The following KDELR2 variants were observed in gnomAD, a reference collection of about 807,000 sequenced individuals.
KDELR2 encodes the protein KDEL endoplasmic reticulum protein retention receptor 2.
A neutral mutation model predicts 23.9 loss-of-function variants in KDELR2; 15 were observed. That is an observed-to-expected ratio of 0.63 (90% CI 0.42 to 0.97). KDELR2 has a LOEUF of 0.97. Among genes scored for constraint, KDELR2 ranks in the 50% least tolerant of loss-of-function variants. The pLI is 0.00. For synonymous variants in KDELR2, 119 were observed against 106.2 expected, an observed-to-expected ratio of 1.12 and a Z score of -0.74; for missense variants, 272 against 254.6, an observed-to-expected ratio of 1.07 and a Z score of -0.46.
intron 2 of KDELR2, among the ~76,000 whole-genome samples, chr7:6,472,339 T>C (rs1785665458): frequency 6.6e-6 from 1 of 152,150 alleles, no homozygotes; most frequent in African/African-American, 2.4e-5. Flanking sequence ...GAACAGCTGC[T>C]TCTCTCCTCT....
At chr7:6,478,301 C>T (rs1369970536) in intron 1 of KDELR2, among the ~76,000 whole-genome samples, 2 of 152,028 alleles carry the variant, frequency 1.3e-5, no homozygotes, top group African/African-American at 2.4e-5. Context: ...TGCACGCCAC[C>T]ACGCCCAGCT....
chr7:6,470,241 C>T (rs1785599837), intron 2 of KDELR2: 1 of 152,300 alleles, frequency 6.6e-6, no homozygotes, highest in Admixed American at 6.5e-5. Context: ...AAACTGGTTC[C>T]CGGCTGGGGC....
At chr7:6,471,811 C>T (rs964192001) in intron 2 of KDELR2, among the ~76,000 whole-genome samples, 21 of 152,052 alleles carry the variant, frequency 1.4e-4, no homozygotes, top group African/African-American at 5.1e-4. Context: ...TGAACATTTG[C>T]GTACAAGTGT....
intron 4 of KDELR2, among the ~76,000 whole-genome samples, chr7:6,464,730 T>C (rs1156229122): frequency 3.2e-5 from 4 of 124,678 alleles, no homozygotes; most frequent in African/African-American, 6.1e-5. Flanking sequence ...ATGCTCTTTT[T>C]TTTCTTTTTT....
chr7:6,483,949 C>G lies in KDELR2; in HGVS notation c.91+18G>C. 3 of 1,495,276 alleles carry G rather than the reference C, an allele frequency of 2.0e-6. No homozygotes were observed. The highest frequency in any genetic ancestry group is 1.4e-5 in the African/African-American group (1 of 69,062). 92.6% of individuals were successfully genotyped at this position (1,495,276 alleles called of 1,614,324 possible). Reference sequence around the variant, plus strand: ...GCCCCCACGCCCGAGCCTCTCCGGGCCTTCCCCCGCCGCTCACCGGCGCAG... The same window carrying G: ...GCCCCCACGCCCGAGCCTCTCCGGGGCTTCCCCCGCCGCTCACCGGCGCAG... On this transcript the variant is annotated intron_variant, in intron 1 of 4. Coordinates refer to ENST00000258739, the MANE Select transcript of KDELR2 (RefSeq NM_006854.4).
chr7:6,473,730 G>A (rs1232415175), intron 2 of KDELR2, among the ~76,000 whole-genome samples: 2 of 152,142 alleles, frequency 1.3e-5, no homozygotes, highest in Admixed American at 1.3e-4. Context: ...AAAGAAAAAA[G>A]ATAGAAGCCT....
chr7:6,478,966 A>T (rs1341070397), intron 1 of KDELR2, among the ~76,000 whole-genome samples: 1 of 151,030 alleles, frequency 6.6e-6, no homozygotes, highest in Non-Finnish European at 1.5e-5. Flanking sequence ...CTTTTTTGTA[A>T]TTTTAGTAGA....
At chr7:6,482,708 GA>G in intron 1 of KDELR2, 1 of 285,504 alleles carries the variant, frequency 3.5e-6, no homozygotes, top group Non-Finnish European at 7.7e-6. Context: ...TACTGCCTCT[GA>G]AAAAATTAAG....
At chr7:6,470,871 C>G (rs1182343720) in intron 2 of KDELR2, among the ~76,000 whole-genome samples, 1 of 151,932 alleles carries the variant, frequency 6.6e-6, no homozygotes, top group Non-Finnish European at 1.5e-5. Flanking sequence ...TCCTAGCACT[C>G]TGGGAGGCCG....
In KDELR2 at chr7:6,462,837, C is replaced by T; in HGVS notation, c.*304G>A. 1 of 787,780 alleles carries T rather than the reference C, an allele frequency of 1.3e-6. No individual in the cohort carries two copies. Among genetic ancestry groups the T allele is most frequent in the Non-Finnish European group, 1.9e-6 (1 of 530,420 alleles). The allele number at this position is 787,780 out of a possible 1,614,324, so 48.8% of individuals were successfully genotyped here. On this transcript the variant is annotated 3_prime_UTR_variant, in exon 5 of 5. Transcript: ENST00000258739. Reference sequence around the variant, plus strand: ...ATAAAAAAAAAATTTGCACTTATTCCTCACAAAATCTTCACTTTTGGAACT... The same window carrying T: ...ATAAAAAAAAAATTTGCACTTATTCTTCACAAAATCTTCACTTTTGGAACT...
chr7:6,471,371 G>A (rs760488093), intron 2 of KDELR2, among the ~76,000 whole-genome samples: 31 of 151,610 alleles, frequency 2.0e-4, no homozygotes, highest in Non-Finnish European at 2.8e-4. Flanking sequence ...TAGTAGAGAC[G>A]GGGTTTCCAT....
At chr7:6,478,797 A>T (rs1267980824) in intron 1 of KDELR2, among the ~76,000 whole-genome samples, 5 of 151,754 alleles carry the variant, frequency 3.3e-5, no homozygotes, top group Admixed American at 6.6e-5. Context: ...TTTTATTTTT[A>T]TTTTTTTGAG....
intron 1 of KDELR2, among the ~76,000 whole-genome samples, chr7:6,476,595 A>G (rs776502521): frequency 5.3e-5 from 8 of 152,216 alleles, no homozygotes; most frequent in Non-Finnish European, 1.2e-4. Context: ...GAACTTTGGA[A>G]GCCAGGCAGA....
Position 6,469,731 on chromosome 7 carries a change from A to G in KDELR2, c.216T>C (p.Tyr72=), listed in dbSNP as rs1785586242. ...TCAGGTAGATCAGGTACACTGTGGC[A>G]TAGGAGCAGGCAAGGTAGATAACCT... ...SMKVIYLACS[Y]ATVYLIYLKF... is the part of the protein sequence containing the mutation. Residue 72 remains tyrosine, a synonymous_variant, in exon 3 of 5, where the codon TAT becomes TAC. Coordinates refer to ENST00000258739, the MANE Select transcript of KDELR2 (RefSeq NM_006854.4). 1 of 1,613,892 alleles carries G rather than the reference A, an allele frequency of 6.2e-7. No individual in the cohort carries two copies. Among genetic ancestry groups the G allele is most frequent in the East Asian group, 2.2e-5 (1 of 44,902 alleles).
intron 2 of KDELR2, chr7:6,470,068 T>C (rs1785596329): frequency 1.5e-5 from 3 of 197,910 alleles, no homozygotes; most frequent in South Asian, 1.3e-4. Context: ...TCTCTGTCCA[T>C]AGTTTTGCCT....
chr7:6,461,129 T>G lies in KDELR2; in HGVS notation c.*2012A>C, dbSNP rs895671416. The G allele has an allele frequency of 2.6e-5, 4 of 152,216 alleles. No homozygotes were observed. The highest frequency in any genetic ancestry group is 5.9e-5 in the Non-Finnish European group (4 of 68,034). 9.4% of individuals were successfully genotyped at this position (152,216 alleles called of 1,614,324 possible). The stretch of plus-strand genomic sequence containing the variant: ...CCTTTATTCGGGAAGTGAAAGTAAC[T>G]GTGAAACAGTGCTTCATAAGGCGTG... On this transcript the variant is annotated 3_prime_UTR_variant, in exon 5 of 5. Coordinates refer to ENST00000258739, the MANE Select transcript of KDELR2 (RefSeq NM_006854.4).
intron 2 of KDELR2, among the ~76,000 whole-genome samples, chr7:6,470,699 ATT>A (rs1013784868): frequency 6.6e-6 from 1 of 152,144 alleles, no homozygotes; most frequent in Non-Finnish European, 1.5e-5. Context: ...ACTCCTTATA[ATT>A]TTTGTTTGTA....
In KDELR2 at chr7:6,482,678, G is replaced by A. The variant is rs909843463; in HGVS notation, c.91+1289C>T. ...CAGGTAAATAGAGTCTCTGCACCCA[G>A]ATAATTCAGGATCATCTTTTACTGC... On this transcript the variant is annotated intron_variant, in intron 1 of 4. Coordinates refer to ENST00000258739, the MANE Select transcript of KDELR2 (RefSeq NM_006854.4). The A allele has an allele frequency of 5.0e-5, 18 of 357,194 alleles. No homozygotes were observed. In the Admixed American group the frequency reaches 6.7e-4, roughly 13 times the overall value. The allele number at this position is 357,194 out of a possible 1,614,324, so 22.1% of individuals were successfully genotyped here.
rs912632524 is a variant in KDELR2, at chr7:6,470,100, G to A, written c.193-346C>T. On this transcript the variant is annotated intron_variant, in intron 2 of 4. Transcript: ENST00000258739. The stretch of plus-strand genomic sequence containing the variant: ...GCCTTTTCTAGAAAGCCACATAAAT[G>A]GAGTCACATAGTATGTTGCCTTCTG... The A allele has an allele frequency of 2.3e-5, 4 of 174,610 alleles. 1 individual carries two copies. In the East Asian group the frequency reaches 6.4e-4, roughly 28 times the overall value. The allele number at this position is 174,610 out of a possible 1,614,324, so 10.8% of individuals were successfully genotyped here. A position where few individuals can be genotyped will look rare whatever the true frequency, so the allele number is the denominator to read the frequency against.
Sources: gnomAD v4.1 joint callset for allele counts (sites outside exome capture counted in the v4.1 genomes callset) on GRCh38, gnomAD v4.1.1 for gene constraint, MANE v1.5 for transcripts, NCBI Gene and HGNC (gene_info 2026-07-23, HGNC 2026-07-21) for gene names.